Variants in GRM7 observed in about 807,000 individuals in gnomAD.
The protein encoded by GRM7 is glutamate metabotropic receptor 7.
GRM7 carries 35 observed loss-of-function variants against 84.5 expected under a neutral mutation model. The ratio of observed to expected loss-of-function variants is 0.41; its 90% CI spans 0.32 to 0.55. The LOEUF is 0.55. Among genes scored for constraint, GRM7 ranks in the 20% least tolerant of loss-of-function variants. The pLI, the probability that GRM7 is intolerant of heterozygous loss-of-function variation, is 0.19. For synonymous variants in GRM7, 487 were observed against 455.1 expected (o/e 1.07, Z -0.89); for missense variants, 1,003 against 1,194.6 (o/e 0.84, Z 2.36).
intron 5 of GRM7, among the ~76,000 whole-genome samples, chr3:7,427,765 A>G (rs926513935): frequency 2.0e-5 from 3 of 152,068 alleles, no homozygotes; most frequent in Admixed American, 6.6e-5. Context: ...CATTTTTGCT[A>G]TTTTATAAGT....
chr3:7,537,447 G>A (rs760922391), intron 7 of GRM7, among the ~76,000 whole-genome samples: 4 of 152,140 alleles, frequency 2.6e-5, no homozygotes, highest in Non-Finnish European at 5.9e-5. Context: ...ATAGACAGGG[G>A]TGTCTACCAT....
chr3:6,887,395 A>C (rs1291002087), intron 1 of GRM7, among the ~76,000 whole-genome samples: 3 of 148,580 alleles, frequency 2.0e-5, no homozygotes, highest in African/African-American at 5.0e-5. Context: ...CCCACCCCAC[A>C]ACAGTCCACA....
At chr3:6,980,268 ACTT>A (rs1219137057) in intron 1 of GRM7, among the ~76,000 whole-genome samples, 7 of 152,136 alleles carry the variant, frequency 4.6e-5, no homozygotes, top group Non-Finnish European at 1.0e-4. Context: ...ATTATATAAT[ACTT>A]AATATTTTTG....
intron 4 of GRM7, among the ~76,000 whole-genome samples, chr3:7,376,542 G>T (rs1694358686): frequency 6.6e-6 from 1 of 152,210 alleles, no homozygotes; most frequent in African/African-American, 2.4e-5. Flanking sequence ...TCTGTGGGTT[G>T]AGGTTAAGCA....
At chr3:7,606,403 T>G (rs368032122) in intron 8 of GRM7, among the ~76,000 whole-genome samples, 1 of 152,274 alleles carries the variant, frequency 6.6e-6, no homozygotes, top group East Asian at 1.9e-4. Flanking sequence ...GAAAGGAAAA[T>G]TTTTTAAAAA....
Position 7,021,553 on chromosome 3 carries a change from A to T in GRM7, c.520-124899A>T, listed in dbSNP as rs73808612. ...CACATCTCAGTTCTGCCCAGGACTCACTTGGGAAAAGAACATTTCTGATGA... is the reference window on the plus strand; with the variant it reads ...CACATCTCAGTTCTGCCCAGGACTCTCTTGGGAAAAGAACATTTCTGATGA... On this transcript the variant is annotated intron_variant, in intron 1 of 9. Coordinates refer to ENST00000357716, the MANE Select transcript of GRM7 (RefSeq NM_000844.4). Among the ~76,000 whole-genome samples, 1,203 of 152,306 alleles carry T rather than the reference A, an allele frequency of 7.9e-3. 16 individuals carry two copies. The highest frequency in any genetic ancestry group is 0.027 in the African/African-American group (1,124 of 41,568).
At chr3:7,733,410 C>T (rs1702394214) in intron 9 of GRM7, among the ~76,000 whole-genome samples, 1 of 152,194 alleles carries the variant, frequency 6.6e-6, no homozygotes, top group Non-Finnish European at 1.5e-5. Context: ...AGGCTCTTCC[C>T]CTGAATAAGA....
In GRM7 at chr3:7,403,733, C is replaced by A. The variant is rs371400899; in HGVS notation, c.1034-11290C>A. 2.7e-5 allele frequency among the ~76,000 whole-genome samples: 4 copies of A among 146,130 alleles called. No homozygotes were observed. The South Asian group carries it at 8.5e-4, about 31-fold the overall frequency. On this transcript the variant is annotated intron_variant, in intron 4 of 9. Coordinates refer to ENST00000357716, the MANE Select transcript of GRM7 (RefSeq NM_000844.4). ...CAAAAGAATGTATAGATGAGAATAT[C>A]TGTGTATATATGTGAATATATTTGT...
intron 1 of GRM7, among the ~76,000 whole-genome samples, chr3:7,099,327 G>A (rs1419854722): frequency 6.9e-6 from 1 of 145,626 alleles, no homozygotes; most frequent in Non-Finnish European, 1.5e-5. Context: ...ATGTATATAT[G>A]TACACATGTA....
At chr3:7,298,347 G>T (rs1009368569) in intron 2 of GRM7, among the ~76,000 whole-genome samples, 1 of 152,102 alleles carries the variant, frequency 6.6e-6, no homozygotes, top group Non-Finnish European at 1.5e-5. Flanking sequence ...TTATTAAGGG[G>T]TATTGCATTC....
intron 1 of GRM7, among the ~76,000 whole-genome samples, chr3:6,922,092 G>C (rs1053330146): frequency 6.6e-6 from 1 of 152,204 alleles, no homozygotes; most frequent in Non-Finnish European, 1.5e-5. Context: ...TTCCGAGCAC[G>C]CCTCTTTCTG....
intron 7 of GRM7, among the ~76,000 whole-genome samples, chr3:7,482,596 A>G (rs550799733): frequency 6.6e-5 from 10 of 152,358 alleles, no homozygotes; most frequent in East Asian, 1.9e-4. Flanking sequence ...ATGAGAGGCT[A>G]TAAGATATAA....
At chr3:6,958,160 T>G (rs1428960374) in intron 1 of GRM7, among the ~76,000 whole-genome samples, 7 of 152,102 alleles carry the variant, frequency 4.6e-5, no homozygotes, top group Non-Finnish European at 8.8e-5. Context: ...CCCAAAGTTT[T>G]CTTGTGCCCC....
chr3:6,933,926 A>G (rs914370339), intron 1 of GRM7, among the ~76,000 whole-genome samples: 5 of 152,280 alleles, frequency 3.3e-5, no homozygotes, highest in Non-Finnish European at 7.4e-5. Flanking sequence ...CAACTAAGTG[A>G]TTCTCTAGAG....
chr3:7,212,017 C>G (rs1444777598), intron 2 of GRM7, among the ~76,000 whole-genome samples: 1 of 151,720 alleles, frequency 6.6e-6, no homozygotes, highest in Non-Finnish European at 1.5e-5. Context: ...ATAGCATCAA[C>G]TAGCATAGGC....
intron 8 of GRM7, among the ~76,000 whole-genome samples, chr3:7,634,969 G>C (rs976847052): frequency 3.9e-5 from 6 of 152,182 alleles, no homozygotes; most frequent in Non-Finnish European, 1.5e-5. Flanking sequence ...TGGACAGGTA[G>C]TATTAACCAC....
At position 6,863,002 on chromosome 3, in the gene GRM7, G is replaced by A; in HGVS notation, c.519+1095G>A. On this transcript the variant is annotated intron_variant, in intron 1 of 9. Coordinates refer to ENST00000357716, the MANE Select transcript of GRM7 (RefSeq NM_000844.4). The surrounding 1 kb of genome is among the most constrained non-coding windows in gnomAD (Gnocchi z 4.8). ...CCCCATGGCTCCTGAGCTGCACTGGGTAGGAATGAGTGGCTTTGGGGTTTG... is the reference window on the plus strand; with the variant it reads ...CCCCATGGCTCCTGAGCTGCACTGGATAGGAATGAGTGGCTTTGGGGTTTG... The A allele has an allele frequency of 2.2e-6, 1 of 456,454 alleles. No individual in the cohort carries two copies. Among genetic ancestry groups the A allele is most frequent in the Non-Finnish European group, 4.4e-6 (1 of 226,844 alleles). 28.3% of individuals were successfully genotyped at this position (456,454 alleles called of 1,614,324 possible).
chr3:7,197,676 G>A (rs1402027816), intron 2 of GRM7, among the ~76,000 whole-genome samples: 5 of 148,684 alleles, frequency 3.4e-5, no homozygotes, highest in African/African-American at 1.3e-4. Flanking sequence ...AACATCCCAA[G>A]GAAAAAATAC....
intron 9 of GRM7, among the ~76,000 whole-genome samples, chr3:7,708,706 G>A (rs1048898955): frequency 4.6e-5 from 7 of 152,084 alleles, no homozygotes; most frequent in Non-Finnish European, 8.8e-5. Context: ...CCAGTCACTC[G>A]TAATAGCATG....
Sources: gnomAD v4.1 joint callset for allele counts (sites outside exome capture counted in the v4.1 genomes callset) on GRCh38, gnomAD v4.1.1 for gene constraint, Gnocchi (gnomAD v3.1) non-coding constraint, MANE v1.5 for transcripts, NCBI Gene and HGNC (gene_info 2026-07-23, HGNC 2026-07-21) for gene names.